TRPM8: variants seen among roughly 807,000 people sequenced by gnomAD.
TRPM8 encodes TRPM8 cationic channel.
TRPM8 carries 110 observed loss-of-function variants against 133.7 expected under a neutral mutation model. The ratio of observed to expected loss-of-function variants is 0.82; its 90% CI spans 0.70 to 0.96. The LOEUF (loss-of-function observed/expected upper bound fraction) is 0.96, where lower values mean the gene tolerates loss of function less well. Ranked by LOEUF, TRPM8 falls within the 40% of genes least tolerant of loss-of-function variation. The probability of loss-of-function intolerance (pLI) is 0.00; values close to 1 mark genes in which losing one functional copy is unlikely to be tolerated. For synonymous variants in TRPM8, 535 were observed against 532.3 expected, an observed-to-expected ratio of 1.01 and a Z score of -0.07; for missense variants, 1,291 against 1,379.5, an observed-to-expected ratio of 0.94 and a Z score of 1.02.
chr2:233,944,758 A>C (rs1261039216), intron 6 of TRPM8, among the ~76,000 whole-genome samples: 2 of 152,232 alleles, frequency 1.3e-5, no homozygotes, highest in Non-Finnish European at 2.9e-5. Flanking sequence ...ATTAGTAAAA[A>C]TAAAAGTAAT....
intron 16 of TRPM8, 147 bp from the exon 17 acceptor site, chr2:233,970,063 G>A: frequency 3.8e-6 from 3 of 781,424 alleles, no homozygotes; most frequent in Non-Finnish European, 6.7e-6. Context: ...GATTTAATTG[G>A]GGTTGGTTCC....
chr2:234,010,552 C>A (rs1692810760), intron 24 of TRPM8, among the ~76,000 whole-genome samples: 1 of 152,030 alleles, frequency 6.6e-6, no homozygotes, highest in South Asian at 2.1e-4. Flanking sequence ...TTTTGAGGAA[C>A]TTCTATACTG....
In TRPM8 at chr2:233,999,279, G is replaced by A. The variant is rs72974145; in HGVS notation, c.3130+2763G>A. ...CACACGCATTCTCACATGCAGTGCC[G>A]GCTGGCCAGCAGCAGGGAGTCTCAG... is the stretch of plus-strand genomic sequence containing the variant. On this transcript the variant is annotated intron_variant, in intron 22 of 25. Transcript: ENST00000324695. Among the ~76,000 whole-genome samples the A allele has an allele frequency of 7.1e-3, 1,076 of 151,550 alleles. 7 individuals are homozygous for A. The highest frequency in any genetic ancestry group is 0.012 in the Non-Finnish European group (786 of 68,038).
chr2:233,952,658 C>T (rs1377164563), intron 9 of TRPM8, among the ~76,000 whole-genome samples: 1 of 151,582 alleles, frequency 6.6e-6, no homozygotes, highest in Admixed American at 6.6e-5. Context: ...TAAAAGGTTT[C>T]AAGCAGGGAA....
In TRPM8 at chr2:233,955,420, C is replaced by G. The variant is rs1472215690; in HGVS notation, c.1362+170C>G. The G allele has an allele frequency of 9.0e-6, 5 of 554,950 alleles. No individual in the cohort carries two copies. In the South Asian group the frequency reaches 9.7e-5, roughly 11 times the overall value. 34.4% of individuals were successfully genotyped at this position (554,950 alleles called of 1,614,324 possible). On this transcript the variant is annotated intron_variant, in intron 11 of 25. Coordinates refer to ENST00000324695, the MANE Select transcript of TRPM8 (RefSeq NM_024080.5). ...AATTTCCTTGTTTGCAGCATGGAAT[C>G]ATAACATTGACTTAGTAGGTTTGTT...
At chr2:233,955,338 A>C (rs1037924679) in intron 11 of TRPM8, 88 bp downstream of exon 11, 12 of 904,862 alleles carry the variant, frequency 1.3e-5, no homozygotes. Flanking sequence ...CAAGGTCTTC[A>C]ATACCAAATC....
chr2:233,960,611 G>A (rs974131755), intron 11 of TRPM8, among the ~76,000 whole-genome samples, 165 bp from the exon 12 acceptor site: 17 of 152,020 alleles, frequency 1.1e-4, no homozygotes, highest in African/African-American at 3.1e-4. Flanking sequence ...GTGTTAAAAC[G>A]GAAAAAAGAT....
intron 19 of TRPM8, among the ~76,000 whole-genome samples, chr2:233,982,430 T>A (rs1311669929): frequency 6.6e-6 from 1 of 152,198 alleles, no homozygotes; most frequent in Non-Finnish European, 1.5e-5. Flanking sequence ...CTAAACTTGT[T>A]TTCCAGATGA....
chr2:233,957,304 G>C (rs1386636902), intron 11 of TRPM8, among the ~76,000 whole-genome samples: 1 of 150,010 alleles, frequency 6.7e-6, no homozygotes, highest in Non-Finnish European at 1.5e-5. Context: ...TGGACAACAT[G>C]GCAAAACCCC....
At chr2:233,983,512 A>G (rs1019092025) in intron 20 of TRPM8, among the ~76,000 whole-genome samples, 2 of 152,198 alleles carry the variant, frequency 1.3e-5, no homozygotes, top group African/African-American at 4.8e-5. Context: ...AAGACTTACT[A>G]GTTTAGAAAC....
chr2:233,992,747 C>T (rs950974037), intron 21 of TRPM8, among the ~76,000 whole-genome samples: 2 of 152,132 alleles, frequency 1.3e-5, no homozygotes, highest in Admixed American at 1.3e-4. Flanking sequence ...ACCAGATGGC[C>T]ACTGGTTGTC....
intron 17 of TRPM8, among the ~76,000 whole-genome samples, chr2:233,977,786 T>C (rs13421820): frequency 0.042 from 6,382 of 152,278 alleles, 261 homozygotes; most frequent in African/African-American, 0.11. Context: ...CTGATAATAA[T>C]GGTTATTGGC....
In TRPM8 at chr2:233,955,258, C is replaced by G. The variant is rs777591540; in HGVS notation, c.1362+8C>G. 6.2e-7 allele frequency: 1 copy of G among 1,605,510 alleles called. No homozygotes were observed. The highest frequency in any genetic ancestry group is 1.1e-5 in the South Asian group (1 of 90,854). ...AATGACCGCCGATGGGAGGTAAGCA[C>G]GAAGCTCTCCTGGGTTATTCCAGTG... On this transcript the variant is annotated splice_region_variant and intron_variant, in intron 11 of 25. Transcript: ENST00000324695.
Position 233,996,331 on chromosome 2 carries a change from C to T in TRPM8, c.2945C>T (p.Thr982Met), listed in dbSNP as rs202017617. Reference sequence around the variant, plus strand: ...CTTCTCTCTTCCCTCACCAGCTACACGGTGGGCACCGTCCAGGAGAACAAT... The same window carrying T: ...CTTCTCTCTTCCCTCACCAGCTACATGGTGGGCACCGTCCAGGAGAACAAT... ...VNLLVAMFGY[T>M]VGTVQENNDQ... The change falls in exon 22 of 26, where the codon ACG (threonine) becomes ATG (methionine). Residue 982 changes from threonine (T) to methionine (M), a missense_variant. Physicochemically the swap from Thr to Met is moderately conservative, Grantham distance 81 (BLOSUM62 -1). This residue lies in a region of TRPM8 where 328 missense variants were observed against 410.6 expected (regional missense o/e 0.80). Transcript: ENST00000324695. The T allele has an allele frequency of 3.0e-5, 48 of 1,613,826 alleles. No individual in the cohort carries two copies. The highest frequency in any genetic ancestry group is 6.7e-5 in the Admixed American group (4 of 59,976).
intron 9 of TRPM8, among the ~76,000 whole-genome samples, chr2:233,952,249 A>G (rs1355287152): frequency 6.6e-6 from 1 of 152,232 alleles, no homozygotes; most frequent in African/African-American, 2.4e-5. Flanking sequence ...CTCTTAGACA[A>G]AACAGAATTT....
chr2:233,992,616 A>G (rs1337806125), intron 21 of TRPM8, among the ~76,000 whole-genome samples: 1 of 151,860 alleles, frequency 6.6e-6, no homozygotes, highest in Non-Finnish European at 1.5e-5. Flanking sequence ...CAGGAGATGG[A>G]CCTCAGCTGT....
At chr2:234,002,649 C>T (rs540277163) in intron 22 of TRPM8, among the ~76,000 whole-genome samples, 5 of 152,308 alleles carry the variant, frequency 3.3e-5, no homozygotes, top group African/African-American at 4.8e-5. Context: ...GATGCCTCCC[C>T]ACCTCCACCT....
intron 2 of TRPM8, 143 bp downstream of exon 2, chr2:233,926,797 T>C (rs1691526554): frequency 1.5e-6 from 1 of 664,300 alleles, no homozygotes. Flanking sequence ...CTCAGTGCTC[T>C]TGTTTCCGGT....
chr2:233,947,886 A>G (rs1015706347), intron 8 of TRPM8, among the ~76,000 whole-genome samples: 2 of 152,196 alleles, frequency 1.3e-5, no homozygotes, highest in Admixed American at 1.3e-4. Flanking sequence ...GGGGTTTTGC[A>G]TACAGATTAT....
Sources: allele counts gnomAD v4.1 joint callset (sites outside exome capture counted in the v4.1 genomes callset), GRCh38; gene constraint gnomAD v4.1.1; regional missense constraint gnomAD v4.1.1; transcripts MANE v1.5; gene names NCBI Gene and HGNC (gene_info 2026-07-23, HGNC 2026-07-21).